Variants in MRPS9 observed in about 807,000 individuals in gnomAD.
The protein encoded by MRPS9 is small ribosomal subunit protein uS9m.
Under a neutral mutation model 59.9 loss-of-function variants are expected in MRPS9, and 45 were observed. The observed-to-expected ratio is 0.75, with a 90% CI of 0.59 to 0.96. MRPS9 has a LOEUF of 0.96. Among genes scored for constraint, MRPS9 ranks in the 40% least tolerant of loss-of-function variants. The pLI, the probability that MRPS9 is intolerant of heterozygous loss-of-function variation, is 0.00. For synonymous variants in MRPS9, 171 were observed against 166.8 expected (o/e 1.03, Z -0.19); for missense variants, 473 against 481.1 (o/e 0.98, Z 0.16).
rs758605087 is a variant in MRPS9, at chr2:105,092,357, T to G, written c.652-44T>G. ...CAAAAAATAGAAAAAATTTAGCAAA[T>G]GCAATTACACTTGCACCTTCTAATG... is the stretch of plus-strand genomic sequence containing the variant. On this transcript the variant is annotated intron_variant, in intron 7 of 10. Transcript: ENST00000258455. 2.0e-6 allele frequency: 3 copies of G among 1,497,876 alleles called. No homozygotes were observed. In the African/African-American group the frequency reaches 4.2e-5, roughly 21 times the overall value. 92.8% of individuals were successfully genotyped at this position (1,497,876 alleles called of 1,614,324 possible). A position where few individuals can be genotyped will look rare whatever the true frequency, so the allele number is the denominator to read the frequency against.
Position 105,079,980 on chromosome 2 carries a change from C to A in MRPS9, c.410-3C>A. On this transcript the variant is annotated splice_region_variant and splice_polypyrimidine_tract_variant and intron_variant, in intron 4 of 10. Coordinates refer to ENST00000258455, the MANE Select transcript of MRPS9 (RefSeq NM_182640.3). ...TTGCTTTCATCTGGCTTTTTTAAAT[C>A]AGCAATCCAGTGGGGAGAAGATGGC... The A allele has an allele frequency of 6.2e-7, 1 of 1,608,396 alleles. No homozygotes were observed. The highest frequency in any genetic ancestry group is 1.1e-5 in the South Asian group (1 of 90,288).
chr2:105,097,089 C>T, intron 9 of MRPS9, 66 bp from the exon 10 acceptor site: 1 of 1,354,762 alleles, frequency 7.4e-7, no homozygotes, highest in Non-Finnish European at 9.6e-7. Context: ...TTCAGAATTT[C>T]AGTTGTTTAC....
At chr2:105,062,293 A>G (rs1679921476) in intron 2 of MRPS9, among the ~76,000 whole-genome samples, 1 of 152,224 alleles carries the variant, frequency 6.6e-6, no homozygotes, top group Non-Finnish European at 1.5e-5. Flanking sequence ...TCTTTAAGAT[A>G]GTAAAGTTAG....
In MRPS9 at chr2:105,066,126, C is replaced by T. The variant is rs576334732; in HGVS notation, c.316-5187C>T. Among the ~76,000 whole-genome samples, 356 of 152,242 alleles carry T rather than the reference C, an allele frequency of 2.3e-3. 1 individual carries two copies. Among genetic ancestry groups the T allele is most frequent in the African/African-American group, 8.2e-3 (342 of 41,552 alleles). ...TGTTATTTGGTTTTAAAACAACTGG[C>T]TTATTTTATTTCCTATTCCCTCTTT... On this transcript the variant is annotated intron_variant, in intron 2 of 10. Coordinates refer to ENST00000258455, the MANE Select transcript of MRPS9 (RefSeq NM_182640.3).
chr2:105,061,925 G>A (rs905722471), intron 2 of MRPS9, among the ~76,000 whole-genome samples: 7 of 152,256 alleles, frequency 4.6e-5, no homozygotes, highest in African/African-American at 1.7e-4. Context: ...AAGGTTTTCA[G>A]TATTTGTCAC....
At chr2:105,082,634 G>A (rs2104462276) in intron 5 of MRPS9, among the ~76,000 whole-genome samples, 1 of 152,214 alleles carries the variant, frequency 6.6e-6, no homozygotes, top group South Asian at 2.1e-4. Flanking sequence ...AGGTTTTTGA[G>A]GAAAAATGGC....
chr2:105,077,762 AT>A (rs1337655668), intron 4 of MRPS9, among the ~76,000 whole-genome samples: 2 of 151,650 alleles, frequency 1.3e-5, no homozygotes, highest in African/African-American at 4.9e-5. Context: ...GACTTGCAAA[AT>A]ATATGAGATT....
At chr2:105,088,943 C>A in intron 5 of MRPS9, 41 bp from the exon 6 acceptor site, 1 of 1,355,934 alleles carries the variant, frequency 7.4e-7, no homozygotes, top group Non-Finnish European at 1.0e-6. Flanking sequence ...TGTACCATTG[C>A]TCTTATTTTT....
chr2:105,064,727 T>C (rs1238598088), intron 2 of MRPS9, among the ~76,000 whole-genome samples: 1 of 152,162 alleles, frequency 6.6e-6, no homozygotes, highest in African/African-American at 2.4e-5. Flanking sequence ...AGGGAGGACT[T>C]CCAGACAAGG....
chr2:105,083,083 A>G (rs996956282), intron 5 of MRPS9, among the ~76,000 whole-genome samples: 1 of 152,150 alleles, frequency 6.6e-6, no homozygotes, highest in Non-Finnish European at 1.5e-5. Context: ...CTTAATAGCC[A>G]TTTAACCAGT....
intron 4 of MRPS9, among the ~76,000 whole-genome samples, chr2:105,077,720 C>G (rs1018405877): frequency 1.3e-5 from 2 of 151,998 alleles, no homozygotes; most frequent in African/African-American, 4.8e-5. Flanking sequence ...AGGGCAGTAT[C>G]AAGAGAAACA....
At position 105,038,683 on chromosome 2, in the gene MRPS9, G is replaced by A. The variant is rs555938328; in HGVS notation, c.135+456G>A. On this transcript the variant is annotated intron_variant, in intron 1 of 10. Transcript: ENST00000258455. ...GACTTTTTGAAAGTGCCTTCAATAT[G>A]CGCAATTTCTGGCTTCTTAATTTTC... 1.5e-3 allele frequency among the ~76,000 whole-genome samples: 225 copies of A among 152,270 alleles called. 1 individual carries two copies. Among genetic ancestry groups the A allele is most frequent in the Non-Finnish European group, 2.7e-3 (184 of 68,006 alleles).
In MRPS9 at chr2:105,097,327, A is replaced by G; in HGVS notation, c.1099+3A>G. The G allele has an allele frequency of 6.2e-7, 1 of 1,602,236 alleles. No homozygotes were observed. Among genetic ancestry groups the G allele is most frequent in the Non-Finnish European group, 8.5e-7 (1 of 1,174,184 alleles). On this transcript the variant is annotated splice_donor_region_variant and intron_variant, in intron 10 of 10. Transcript: ENST00000258455. ...CGAGGTCGAGTGGATGAGACAAGGT[A>G]TGAGTCTAGGTGGGACGGGCATGGT...
chr2:105,097,699 T>C (rs1004589478), intron 10 of MRPS9, among the ~76,000 whole-genome samples: 1 of 152,164 alleles, frequency 6.6e-6, no homozygotes, highest in African/African-American at 2.4e-5. Flanking sequence ...TAGAAATGTG[T>C]GGGTTTTTTG....
At chr2:105,087,405 C>G (rs1382525048) in intron 5 of MRPS9, among the ~76,000 whole-genome samples, 1 of 152,126 alleles carries the variant, frequency 6.6e-6, no homozygotes, top group Non-Finnish European at 1.5e-5. Flanking sequence ...TCTAGCCAGT[C>G]TAGGCTTGGA....
At chr2:105,085,679 C>G (rs904675691) in intron 5 of MRPS9, among the ~76,000 whole-genome samples, 1 of 152,042 alleles carries the variant, frequency 6.6e-6, no homozygotes, top group African/African-American at 2.4e-5. Flanking sequence ...TCTGATGACA[C>G]GAGGGGTGGA....
intron 2 of MRPS9, among the ~76,000 whole-genome samples, chr2:105,064,699 T>C (rs1180326980): frequency 1.3e-5 from 2 of 152,132 alleles, no homozygotes; most frequent in Non-Finnish European, 2.9e-5. Flanking sequence ...AGAGAAGTAA[T>C]GGAGAGCCCA....
At chr2:105,061,538 G>A (rs73945023) in intron 2 of MRPS9, among the ~76,000 whole-genome samples, 33,576 of 152,016 alleles carry the variant, frequency 0.22, 3,776 homozygotes, top group Middle Eastern at 0.35. Flanking sequence ...TGCAGACTGC[G>A]GCAGATGCAT....
chr2:105,073,408 T>C (rs1465053938), intron 4 of MRPS9, among the ~76,000 whole-genome samples: 1 of 152,212 alleles, frequency 6.6e-6, no homozygotes, highest in Non-Finnish European at 1.5e-5. Flanking sequence ...TGTAACTGTA[T>C]GTAAACAGTA....
Sources: gnomAD v4.1 joint callset for allele counts (sites outside exome capture counted in the v4.1 genomes callset) on GRCh38, gnomAD v4.1.1 for gene constraint, MANE v1.5 for transcripts, NCBI Gene and HGNC (gene_info 2026-07-23, HGNC 2026-07-21) for gene names.